Variants in SYNE2 observed in about 807,000 individuals in gnomAD.
The protein encoded by SYNE2 is nesprin-2.
A neutral mutation model predicts 856.3 loss-of-function variants in SYNE2; 431 were observed. The ratio of observed to expected loss-of-function variants is 0.50; its 90% confidence interval spans 0.47 to 0.55. The LOEUF (loss-of-function observed/expected upper bound fraction) is 0.55, where lower values mean the gene tolerates loss of function less well. Ranked by LOEUF, SYNE2 falls within the 20% of genes least tolerant of loss-of-function variation. SYNE2 has a pLI of 0.00. For synonymous variants in SYNE2, 2,923 were observed against 2,872.3 expected, an observed-to-expected ratio of 1.02 and a Z score of -0.56; for missense variants, 8,129 against 8,023.2, an observed-to-expected ratio of 1.01 and a Z score of -0.50.
chr14:64,002,883 G>T lies in SYNE2; in HGVS notation c.3950G>T (p.Arg1317Met). ...GAAGGAATGAACCACAGGGTGCAGAGGAGTGAAGATACTCTCAAAGCTCTG... is the reference window on the plus strand; with the variant it reads ...GAAGGAATGAACCACAGGGTGCAGATGAGTGAAGATACTCTCAAAGCTCTG... ...QFEGMNHRVQ[R>M]SEDTLKALED... is the part of the protein sequence containing the mutation. Residue 1317 changes from arginine (R) to methionine (M), a missense_variant, in exon 30 of 116, where the codon AGG (arginine) becomes ATG (methionine). Arg to Met is a moderately conservative substitution (Grantham distance 91). Coordinates refer to ENST00000555002, the MANE Select transcript of SYNE2 (RefSeq NM_182914.3). The T allele has an allele frequency of 6.2e-7, 1 of 1,614,210 alleles. No homozygotes were observed. The highest frequency in any genetic ancestry group is 8.5e-7 in the Non-Finnish European group (1 of 1,180,038).
At chr14:64,029,007 G>A (rs534483438) in intron 43 of SYNE2, among the ~76,000 whole-genome samples, 10 of 152,172 alleles carry the variant, frequency 6.6e-5, no homozygotes, top group African/African-American at 1.4e-4. Flanking sequence ...ATGGTGGCAC[G>A]CGCCTGTAGT....
At chr14:64,196,330 T>G (rs2139795503) in intron 99 of SYNE2, among the ~76,000 whole-genome samples, 1 of 152,336 alleles carries the variant, frequency 6.6e-6, no homozygotes, top group South Asian at 2.1e-4. Context: ...CACTCAGGAT[T>G]GTCCGAAGAA....
chr14:64,118,214 T>G (rs1423345738), intron 66 of SYNE2, among the ~76,000 whole-genome samples: 3 of 152,202 alleles, frequency 2.0e-5, no homozygotes, highest in Non-Finnish European at 2.9e-5. Context: ...GGTGCTGGAA[T>G]GTGAGTTTGT....
chr14:63,997,226 T>G, intron 24 of SYNE2, 68 bp downstream of exon 24: 1 of 1,580,980 alleles, frequency 6.3e-7, no homozygotes, highest in African/African-American at 1.3e-5. Flanking sequence ...CAAATGACAT[T>G]AAGCGTTAGT....
chr14:63,920,809 A>G (rs1382608439), intron 2 of SYNE2, among the ~76,000 whole-genome samples: 1 of 151,946 alleles, frequency 6.6e-6, no homozygotes, highest in African/African-American at 2.4e-5. Context: ...AGAGGGAAGG[A>G]TGTATCAAAG....
Position 64,065,521 on chromosome 14 carries a change from T to G in SYNE2, c.10302T>G (p.Asn3434Lys). Residue 3434 changes from asparagine (N) to lysine (K), a missense_variant, in exon 51 of 116, where the codon AAT (asparagine) becomes AAG (lysine). Physicochemically the swap from Asn to Lys is moderately conservative, Grantham distance 94 (BLOSUM62 0). Coordinates refer to ENST00000555002, the MANE Select transcript of SYNE2 (RefSeq NM_182914.3). Reference protein sequence around the residue: ...LRLLRLRCTENDGICLLKIVS... With the variant: ...LRLLRLRCTEKDGICLLKIVS... ...TCTTGAGACTCAGGTGCACAGAAAA[T>G]GATGGCATATGTTTGCTCAAGATTG... 1 of 1,614,014 alleles carries G rather than the reference T, an allele frequency of 6.2e-7. No homozygotes were observed. Among genetic ancestry groups the G allele is most frequent in the Non-Finnish European group, 8.5e-7 (1 of 1,180,014 alleles).
At chr14:63,771,896 C>CAAAAAAAAAAAAAAAAAAAAAAAAAAAA (rs59481661) in intron 1 of SYNE2, among the ~76,000 whole-genome samples, 2 of 148,034 alleles carry the variant, frequency 1.4e-5, no homozygotes, top group African/African-American at 2.7e-5. Flanking sequence ...GACTCTGTCT[C>CAAAAAAAAAAAAAAAAAAAAAAAAAAAA]AAAAAGCAAA....
Position 64,208,846 on chromosome 14 carries a change from G to A in SYNE2, c.18290G>A (p.Cys6097Tyr). The change falls in exon 101 of 116, where the codon TGT (cysteine) becomes TAT (tyrosine). Residue 6097 changes from cysteine to tyrosine, a missense_variant. Physicochemically the swap from Cys to Tyr is radical, Grantham distance 194 (BLOSUM62 -2). Around this residue, in one of 3 missense-constraint regions of SYNE2, gnomAD observed 5,410 missense variants for 5,284.8 expected, o/e 1.02. Coordinates refer to ENST00000555002, the MANE Select transcript of SYNE2 (RefSeq NM_182914.3). ...CDVLLHDSDACANETECDSIQ... is the reference protein window; with the variant it reads ...CDVLLHDSDAYANETECDSIQ... Reference sequence around the variant, plus strand: ...GTCCTACTGCACGACTCCGATGCCTGTGCAAATGAGACCGAGTGTGACTCG... The same window carrying A: ...GTCCTACTGCACGACTCCGATGCCTATGCAAATGAGACCGAGTGTGACTCG... 3 of 1,614,254 alleles carry A rather than the reference G, an allele frequency of 1.9e-6. No individual in the cohort carries two copies. Among genetic ancestry groups the A allele is most frequent in the Non-Finnish European group, 1.7e-6 (2 of 1,180,056 alleles).
chr14:64,023,233 G>A (rs895876684), intron 38 of SYNE2: 2 of 196,710 alleles, frequency 1.0e-5, no homozygotes, highest in South Asian at 2.1e-4. Flanking sequence ...GGGCGACAGA[G>A]TGAGACCCTG....
chr14:63,979,217 T>C (rs529661417), intron 14 of SYNE2, among the ~76,000 whole-genome samples: 1 of 152,196 alleles, frequency 6.6e-6, no homozygotes, highest in East Asian at 1.9e-4. Context: ...ATATAGAAAA[T>C]ATCACTACTT....
intron 66 of SYNE2, among the ~76,000 whole-genome samples, chr14:64,115,376 A>AG (rs1285569051): frequency 6.6e-6 from 1 of 151,858 alleles, no homozygotes; most frequent in Non-Finnish European, 1.5e-5. Flanking sequence ...CACCACCCAG[A>AG]GGGGGAGGAA....
At chr14:63,991,235 T>C in intron 21 of SYNE2, 120 bp downstream of exon 21, 1 of 1,042,056 alleles carries the variant, frequency 9.6e-7, no homozygotes, top group South Asian at 1.4e-5. Flanking sequence ...AAAAAGAATT[T>C]CCCAGTATTC....
intron 1 of SYNE2, among the ~76,000 whole-genome samples, chr14:63,813,012 T>G (rs1347063247): frequency 2.6e-5 from 4 of 152,210 alleles, no homozygotes; most frequent in African/African-American, 9.7e-5. Context: ...CTGCAGATAC[T>G]TTGGGGACCT....
intron 26 of SYNE2, 75 bp downstream of exon 26, chr14:63,998,403 A>C: frequency 9.8e-7 from 1 of 1,023,226 alleles, no homozygotes; most frequent in Non-Finnish European, 1.5e-6. Flanking sequence ...GACTTTTTAA[A>C]AGTTTTATTT....
chr14:64,165,219 C>G (rs1567518543), intron 89 of SYNE2, 66 bp from the exon 90 acceptor site: 2 of 1,553,784 alleles, frequency 1.3e-6, no homozygotes, highest in African/African-American at 2.7e-5. Context: ...AGCTCCCAAG[C>G]CTGTGTTTAA....
chr14:63,988,727 G>A lies in SYNE2; in HGVS notation c.2314-1684G>A, dbSNP rs201693749. On this transcript the variant is annotated intron_variant, in intron 19 of 115. Transcript: ENST00000555002. ...TGTGTGGGAAGGCCTCACAATCATG[G>A]TGGAGGGTGAAAGTCATGTCTATGT... Among the ~76,000 whole-genome samples the A allele has an allele frequency of 2.6e-5, 4 of 152,320 alleles. No homozygotes were observed. The East Asian group carries it at 7.7e-4, about 29-fold the overall frequency.
intron 61 of SYNE2, 151 bp from the exon 62 acceptor site, chr14:64,097,798 A>G (rs996066517): frequency 7.0e-5 from 53 of 753,454 alleles, no homozygotes; most frequent in Non-Finnish European, 1.1e-4. Flanking sequence ...CAGGATGGAA[A>G]GGAGCTATAC....
At chr14:63,802,978 G>C (rs974875185) in intron 1 of SYNE2, among the ~76,000 whole-genome samples, 1 of 152,140 alleles carries the variant, frequency 6.6e-6, no homozygotes, top group African/African-American at 2.4e-5. Flanking sequence ...TGCAAAGAGC[G>C]AAAGAACAAA....
intron 61 of SYNE2, chr14:64,095,139 A>G (rs1217689884): frequency 5.9e-6 from 1 of 170,362 alleles, no homozygotes; most frequent in East Asian, 1.9e-4. Context: ...GGGTGCTGCA[A>G]ATGTTTCTGC....
Sources: gnomAD v4.1 joint callset for allele counts (sites outside exome capture counted in the v4.1 genomes callset) on GRCh38, gnomAD v4.1.1 for gene constraint, gnomAD v4.1.1 regional missense constraint, MANE v1.5 for transcripts, NCBI Gene and HGNC (gene_info 2026-07-23, HGNC 2026-07-21) for gene names.